USP47: variants seen among roughly 807,000 people sequenced by gnomAD.
The protein encoded by USP47 is ubiquitin carboxyl-terminal hydrolase 47.
USP47 carries 35 observed loss-of-function variants against 165.1 expected under a neutral mutation model. The observed-to-expected ratio is 0.21, with a 90% CI of 0.16 to 0.28. USP47 has a LOEUF of 0.28. Among genes scored for constraint, USP47 ranks in the 10% least tolerant of loss-of-function variants. The pLI is 1.00. For missense variants in USP47, 1,277 were observed against 1,607.4 expected (o/e 0.79, Z 3.52); for synonymous variants, 531 against 544.5 (o/e 0.98, Z 0.35).
intron 2 of USP47, among the ~76,000 whole-genome samples, chr11:11,881,582 T>G (rs11022074): frequency 0.73 from 110,684 of 151,824 alleles, 40,458 homozygotes; most frequent in East Asian, 0.78. Context: ...CCTGTCTGTT[T>G]TCTATTTTTT....
intron 8 of USP47, among the ~76,000 whole-genome samples, chr11:11,915,040 TC>T (rs1659588376): frequency 6.6e-6 from 1 of 152,216 alleles, no homozygotes; most frequent in South Asian, 2.1e-4. Flanking sequence ...AAATATTTAT[TC>T]CATCTTTGTT....
chr11:11,957,925 C>G lies in USP47; in HGVS notation c.*1750C>G, dbSNP rs919336129. The G allele has an allele frequency of 5.3e-5, 8 of 152,016 alleles. No individual in the cohort carries two copies. Among genetic ancestry groups the G allele is most frequent in the African/African-American group, 1.7e-4 (7 of 41,386 alleles). 9.4% of individuals were successfully genotyped at this position (152,016 alleles called of 1,614,324 possible). ...AGCTATAGCATTTAGCGAAATTTGA[C>G]TGAAGTAATGTTCTGAGTTTGCATT... On this transcript the variant is annotated 3_prime_UTR_variant, in exon 28 of 28. Coordinates refer to ENST00000527733, the MANE Select transcript of USP47 (RefSeq NM_001282659.2).
chr11:11,848,958 T>C (rs1371897349), intron 1 of USP47, among the ~76,000 whole-genome samples: 1 of 151,274 alleles, frequency 6.6e-6, no homozygotes, highest in Non-Finnish European at 1.5e-5. Flanking sequence ...GTTTAAGATA[T>C]TTTTCAGTTT....
intron 19 of USP47, among the ~76,000 whole-genome samples, chr11:11,940,790 G>A (rs2134769000): frequency 6.6e-6 from 1 of 151,610 alleles, no homozygotes; most frequent in African/African-American, 2.4e-5. Context: ...CCCACCTGGA[G>A]TGTTCTTCCT....
At chr11:11,944,143 A>G (rs1855667273) in intron 20 of USP47, among the ~76,000 whole-genome samples, 1 of 149,730 alleles carries the variant, frequency 6.7e-6, no homozygotes, top group Admixed American at 6.7e-5. Context: ...CCAGTCATCC[A>G]CCCATCCAAG....
intron 8 of USP47, among the ~76,000 whole-genome samples, chr11:11,912,257 T>G (rs1477108594): frequency 1.3e-5 from 2 of 151,570 alleles, no homozygotes; most frequent in African/African-American, 4.8e-5. Context: ...GAGAAAACAG[T>G]AGAGGAAGTC....
intron 16 of USP47, 91 bp downstream of exon 16, chr11:11,934,026 A>ATCC (rs1854876375): frequency 2.2e-6 from 2 of 893,458 alleles, no homozygotes; most frequent in African/African-American, 3.4e-5. Context: ...TAGTTATATA[A>ATCC]ACACTGGCAG....
chr11:11,877,779 C>T (rs899046394), intron 1 of USP47, among the ~76,000 whole-genome samples: 2 of 139,096 alleles, frequency 1.4e-5, no homozygotes, highest in Non-Finnish European at 3.0e-5. Context: ...CTCTCTCTCT[C>T]TCTCTCTCTT....
At chr11:11,865,556 A>G (rs958552183) in intron 1 of USP47, among the ~76,000 whole-genome samples, 1 of 151,878 alleles carries the variant, frequency 6.6e-6, no homozygotes, top group Non-Finnish European at 1.5e-5. Flanking sequence ...TGGTAATACT[A>G]TGTTTAGTTT....
At chr11:11,927,673 G>A (rs775332107) in intron 11 of USP47, among the ~76,000 whole-genome samples, 3 of 152,016 alleles carry the variant, frequency 2.0e-5, no homozygotes, top group Non-Finnish European at 4.4e-5. Flanking sequence ...TCTGTTCTAC[G>A]CAGATCTAGA....
intron 1 of USP47, among the ~76,000 whole-genome samples, chr11:11,855,623 C>A (rs967301438): frequency 2.0e-5 from 3 of 152,140 alleles, no homozygotes; most frequent in Non-Finnish European, 2.9e-5. Context: ...GGTTTAACTT[C>A]AGGAAAATCA....
At chr11:11,934,894 A>T (rs1287338250) in intron 16 of USP47, among the ~76,000 whole-genome samples, 4 of 152,174 alleles carry the variant, frequency 2.6e-5, no homozygotes, top group African/African-American at 9.7e-5. Flanking sequence ...AAAAAATTGC[A>T]TACTACATCA....
intron 8 of USP47, among the ~76,000 whole-genome samples, chr11:11,914,069 A>C (rs1344926690): frequency 6.6e-6 from 1 of 152,108 alleles, no homozygotes; most frequent in Non-Finnish European, 1.5e-5. Context: ...AAGAAACTAG[A>C]ATAGCTAAGA....
rs1226716142 is a variant in USP47, at chr11:11,921,204, T to C, written c.1218+710T>C. On this transcript the variant is annotated intron_variant, in intron 10 of 27. Coordinates refer to ENST00000527733, the MANE Select transcript of USP47 (RefSeq NM_001282659.2). ...ATCACTTAGGCTAATTATTTCAAAG[T>C]GATTTATTCTCAGAATTACCCTGAA... is the stretch of plus-strand genomic sequence containing the variant. Among the ~76,000 whole-genome samples, 6 of 151,786 alleles carry C rather than the reference T, an allele frequency of 4.0e-5. No individual in the cohort carries two copies. The South Asian group carries it at 1.0e-3, about 26-fold the overall frequency.
chr11:11,901,262 A>G (rs1852210466), intron 5 of USP47, among the ~76,000 whole-genome samples: 1 of 152,190 alleles, frequency 6.6e-6, no homozygotes, highest in African/African-American at 2.4e-5. Flanking sequence ...GTCTTTTAGT[A>G]TGTCTGTAAA....
In USP47 at chr11:11,884,487, T is replaced by G; in HGVS notation, c.264T>G (p.Ser88Arg). ...CATAGGCACCACTGGATCATACCAG[T>G]GACAAGTCACTTCTCGACGCTAATT... is the stretch of plus-strand genomic sequence containing the variant. ...TADMAPLDHT[S>R]DKSLLDANFE... Residue 88 changes from serine (S) to arginine (R), a missense_variant, in exon 3 of 28, where the codon AGT becomes AGG. Physicochemically the swap from Ser to Arg is moderately radical, Grantham distance 110 (BLOSUM62 -1). Transcript: ENST00000527733. The G allele has an allele frequency of 1.2e-6, 2 of 1,608,624 alleles. No homozygotes were observed. Among genetic ancestry groups the G allele is most frequent in the Non-Finnish European group, 1.7e-6 (2 of 1,178,372 alleles).
intron 1 of USP47, among the ~76,000 whole-genome samples, chr11:11,877,415 G>A (rs988797968): frequency 1.3e-5 from 2 of 151,908 alleles, no homozygotes; most frequent in Non-Finnish European, 2.9e-5. Context: ...TTAAAGAAGA[G>A]CAGAGCTTTT....
chr11:11,843,024 G>A (rs952947827), intron 1 of USP47, among the ~76,000 whole-genome samples: 2 of 152,098 alleles, frequency 1.3e-5, no homozygotes, highest in African/African-American at 4.8e-5. Flanking sequence ...ATCTCTGTTG[G>A]CTTTATAAAT....
In USP47 at chr11:11,842,017, G is replaced by A; in HGVS notation, c.-169G>A. ...CGGCGGCGGCGGCGGCGGAGCCCTGGGTCGGTGTCTGCGCGCTGGTGTCTG... is the reference window on the plus strand; with the variant it reads ...CGGCGGCGGCGGCGGCGGAGCCCTGAGTCGGTGTCTGCGCGCTGGTGTCTG... On this transcript the variant is annotated 5_prime_UTR_variant, in exon 1 of 28. Coordinates refer to ENST00000527733, the MANE Select transcript of USP47 (RefSeq NM_001282659.2). 1 of 735,114 alleles carries A rather than the reference G, an allele frequency of 1.4e-6. No individual in the cohort carries two copies. The highest frequency in any genetic ancestry group is 3.1e-5 in the Admixed American group (1 of 32,000). 45.5% of individuals were successfully genotyped at this position (735,114 alleles called of 1,614,324 possible). A position where few individuals can be genotyped will look rare whatever the true frequency, so the allele number is the denominator to read the frequency against.
Sources: gnomAD v4.1 joint callset for allele counts (sites outside exome capture counted in the v4.1 genomes callset) on GRCh38, gnomAD v4.1.1 for gene constraint, MANE v1.5 for transcripts, NCBI Gene and HGNC (gene_info 2026-07-23, HGNC 2026-07-21) for gene names.